The following GARIN2 variants were observed in gnomAD, a reference collection of about 807,000 sequenced individuals.
The protein encoded by GARIN2 is golgi associated RAB2 interactor family member 2, also known as Golgi-associated RAB2 interactor protein 2.
chr14:67,225,281 TAA>T, the GARIN2 span: 3 of 1,464,404 alleles, frequency 2.0e-6, no homozygotes, highest in East Asian at 5.1e-5. Flanking sequence ...TTTTTAATTA[TAA>T]GTCTCTATAG....
chr14:67,204,848 G>T, the GARIN2 span: 2 of 1,613,924 alleles, frequency 1.2e-6, no homozygotes, highest in Non-Finnish European at 1.7e-6. Flanking sequence ...GCAGGTACAG[G>T]CCCTGAACAT....
chr14:67,217,082 G>T, the GARIN2 span, among the ~76,000 whole-genome samples: 1 of 152,040 alleles, frequency 6.6e-6, no homozygotes, highest in East Asian at 1.9e-4. Flanking sequence ...ATAAATCTGG[G>T]TGCTCCAGTG....
At chr14:67,227,857 A>G in the GARIN2 span, 2 of 152,200 alleles carry the variant, frequency 1.3e-5, no homozygotes, top group Admixed American at 6.5e-5. Context: ...ACAGCTTTTA[A>G]AAACAACAAT....
At chr14:67,197,078 A>C in the GARIN2 span, 1 of 152,032 alleles carries the variant, frequency 6.6e-6, no homozygotes. Context: ...ATAGGCATGC[A>C]CCACCACACC....
At chr14:67,202,262 G>A in the GARIN2 span, among the ~76,000 whole-genome samples, 9 of 152,168 alleles carry the variant, frequency 5.9e-5, no homozygotes, top group African/African-American at 2.2e-4. Flanking sequence ...CCAACATGGT[G>A]AAGCCCCGTC....
At chr14:67,225,394 A>T in the GARIN2 span, 1 of 558,958 alleles carries the variant, frequency 1.8e-6, no homozygotes, top group African/African-American at 2.0e-5. Flanking sequence ...TATAAGTGGA[A>T]TGAAATGTTA....
At chr14:67,204,506 C>T in the GARIN2 span, 1 of 1,594,470 alleles carries the variant, frequency 6.3e-7, no homozygotes, top group Admixed American at 1.7e-5. Flanking sequence ...CATCAGGTCT[C>T]CAGATGATGT....
chr14:67,192,935 T>C, the GARIN2 span, among the ~76,000 whole-genome samples: 2 of 146,850 alleles, frequency 1.4e-5, no homozygotes, highest in African/African-American at 2.5e-5. Flanking sequence ...TATATAGATA[T>C]CTAGATAAAT....
the GARIN2 span, among the ~76,000 whole-genome samples, chr14:67,226,776 T>A: frequency 6.6e-6 from 1 of 152,324 alleles, no homozygotes; most frequent in East Asian, 1.9e-4. Flanking sequence ...CATAATTCCC[T>A]GGCCTCCACA....
chr14:67,208,370 T>G, the GARIN2 span: 1 of 1,613,938 alleles, frequency 6.2e-7, no homozygotes, highest in Non-Finnish European at 8.5e-7. Flanking sequence ...GGCAAATACA[T>G]CCAAGGAGAT....
the GARIN2 span, chr14:67,228,360 A>G: frequency 1.9e-6 from 1 of 518,360 alleles, no homozygotes; most frequent in Non-Finnish European, 2.5e-6. Context: ...GTTAACAGTA[A>G]TAACACTAAA....
the GARIN2 span, among the ~76,000 whole-genome samples, chr14:67,208,870 C>T: frequency 6.8e-6 from 1 of 146,646 alleles, no homozygotes; most frequent in African/African-American, 2.5e-5. Context: ...GCATTCCAGC[C>T]TGGGTGACAG....
the GARIN2 span, among the ~76,000 whole-genome samples, chr14:67,206,357 G>A: frequency 6.6e-6 from 1 of 151,936 alleles, no homozygotes; most frequent in South Asian, 2.1e-4. Flanking sequence ...ATTAGCCGGT[G>A]TGGTAGTGGG....
At chr14:67,201,636 A>G in the GARIN2 span, 7 of 425,952 alleles carry the variant, frequency 1.6e-5, no homozygotes, top group Non-Finnish European at 2.8e-5. Flanking sequence ...AACCACCACT[A>G]CCCATTTAAG....
chr14:67,199,880 G>A, the GARIN2 span: 1 of 1,490,448 alleles, frequency 6.7e-7, no homozygotes, highest in Non-Finnish European at 9.0e-7. Context: ...GCAGGACATG[G>A]CCCCCCATCG....
chr14:67,227,074 A>G, the GARIN2 span, among the ~76,000 whole-genome samples: 1 of 152,256 alleles, frequency 6.6e-6, no homozygotes, highest in Non-Finnish European at 1.5e-5. Flanking sequence ...TTAGGGTCTC[A>G]TTAACAGAGA....
At chr14:67,198,880 TA>T in the GARIN2 span, 1 of 673,144 alleles carries the variant, frequency 1.5e-6, no homozygotes, top group Non-Finnish European at 2.7e-6. Flanking sequence ...AGTTCAATGA[TA>T]GGGGTCATAC....
the GARIN2 span, among the ~76,000 whole-genome samples, chr14:67,213,081 T>C: frequency 6.8e-6 from 1 of 146,830 alleles, no homozygotes; most frequent in Non-Finnish European, 1.5e-5. Flanking sequence ...GGATGGGGCA[T>C]AGAATTCTGT....
chr14:67,190,113 A>G, the GARIN2 span, among the ~76,000 whole-genome samples: 1 of 134,820 alleles, frequency 7.4e-6, no homozygotes, highest in African/African-American at 2.8e-5. Flanking sequence ...ACAGGGTTTC[A>G]CATGTTGGCC....
Sources: gnomAD v4.1 joint callset for allele counts (sites outside exome capture counted in the v4.1 genomes callset) on GRCh38, gnomAD v4.1.1 for gene constraint, MANE v1.5 for transcripts, NCBI Gene and HGNC (gene_info 2026-07-23, HGNC 2026-07-21) for gene names.